PCBP3: variants seen among roughly 807,000 people sequenced by gnomAD.
PCBP3 encodes the protein poly(rC)-binding protein 3.
Under a neutral mutation model 52.7 loss-of-function variants are expected in PCBP3, and 25 were observed. The ratio of observed to expected loss-of-function variants is 0.47; its 90% CI spans 0.35 to 0.66. The LOEUF (loss-of-function observed/expected upper bound fraction) is 0.66, where lower values mean the gene tolerates loss of function less well. PCBP3 is among the 30% of genes least tolerant of loss of function. The probability of loss-of-function intolerance (pLI) is 0.01; values close to 1 mark genes in which losing one functional copy is unlikely to be tolerated. For missense variants in PCBP3, 391 were observed against 490.3 expected, an observed-to-expected ratio of 0.80 and a Z score of 1.91; for synonymous variants, 162 against 183.0, an observed-to-expected ratio of 0.89 and a Z score of 0.93.
chr21:45,725,621 C>A (rs113970947), intron 2 of PCBP3, among the ~76,000 whole-genome samples: 2 of 152,128 alleles, frequency 1.3e-5, no homozygotes, highest in Non-Finnish European at 2.9e-5. Flanking sequence ...AGGGTTCTTA[C>A]CACCATGGAG....
chr21:45,918,116 A>C, intron 13 of PCBP3: 1 of 203,870 alleles, frequency 4.9e-6, no homozygotes, highest in African/African-American at 2.3e-5. Context: ...ACACACACAG[A>C]TCCAGGCTGT....
chr21:45,855,387 G>A (rs1347557072), intron 5 of PCBP3, among the ~76,000 whole-genome samples: 1 of 152,158 alleles, frequency 6.6e-6, no homozygotes, highest in Non-Finnish European at 1.5e-5. Context: ...CCCTCAAACA[G>A]CCCATCACAG....
intron 1 of PCBP3, among the ~76,000 whole-genome samples, chr21:45,664,746 C>T: frequency 6.7e-6 from 1 of 148,900 alleles, no homozygotes; most frequent in Non-Finnish European, 1.5e-5. Context: ...AGGTATATCT[C>T]CCAATGCTAT....
At chr21:45,909,559 C>CAG in intron 10 of PCBP3, 73 bp downstream of exon 10, 1 of 1,495,628 alleles carries the variant, frequency 6.7e-7, no homozygotes, top group East Asian at 2.3e-5. Context: ...ACAGGCCAGG[C>CAG]AGCCTTCCTG....
rs2085803133 is a variant in PCBP3 at position 45,735,543 on chromosome 21, G to C, written c.-162+114G>C. The stretch of plus-strand genomic sequence containing the variant: ...TCAAGGGAAGCTGTGTGTCTCTGCT[G>C]ACCCTCTGGATCCTGGTTTTATGTC... On this transcript the variant is annotated intron_variant, in intron 3 of 17. Coordinates refer to ENST00000681687, the MANE Select transcript of PCBP3 (RefSeq NM_001384156.1). This position sits in a 1 kb window ranked among gnomAD's most constrained non-coding sequence, Gnocchi z 4.0. 2 of 152,198 alleles carry C rather than the reference G, an allele frequency of 1.3e-5. No homozygotes were observed. Among genetic ancestry groups the C allele is most frequent in the African/African-American group, 4.8e-5 (2 of 41,416 alleles). 9.4% of individuals were successfully genotyped at this position (152,198 alleles called of 1,614,324 possible).
chr21:45,866,112 G>A (rs1453757116), intron 5 of PCBP3, among the ~76,000 whole-genome samples: 14 of 152,232 alleles, frequency 9.2e-5, no homozygotes, highest in Admixed American at 5.9e-4. Flanking sequence ...GGCTCTCCAC[G>A]TGTGACCCCT....
intron 5 of PCBP3, among the ~76,000 whole-genome samples, chr21:45,888,564 C>T (rs866383250): frequency 2.6e-5 from 4 of 152,232 alleles, no homozygotes; most frequent in South Asian, 4.1e-4. Context: ...ATGCCTGCTC[C>T]GGGGCAGGGC....
rs189102810 is a variant in PCBP3, at chr21:45,829,528, A to G, written c.-125-20433A>G. ...GTGTCTCTTGCAGTGTTTTCTGAAC[A>G]TTTTGTGGCCTAGCGGTACCAGGAC... is the stretch of plus-strand genomic sequence containing the variant. On this transcript the variant is annotated intron_variant, in intron 4 of 17. Coordinates refer to ENST00000681687, the MANE Select transcript of PCBP3 (RefSeq NM_001384156.1). This position sits in a 1 kb window ranked among gnomAD's most constrained non-coding sequence, Gnocchi z 5.2. 1.3e-5 allele frequency: 2 copies of G among 152,272 alleles called. No homozygotes were observed. Among genetic ancestry groups the G allele is most frequent in the Admixed American group, 1.3e-4 (2 of 15,296 alleles). 9.4% of individuals were successfully genotyped at this position (152,272 alleles called of 1,614,324 possible).
At chr21:45,851,711 A>G (rs1024829629) in intron 5 of PCBP3, among the ~76,000 whole-genome samples, 1 of 152,272 alleles carries the variant, frequency 6.6e-6, no homozygotes, top group Non-Finnish European at 1.5e-5. Flanking sequence ...ATGCTAACAC[A>G]TTTGAAAACA....
intron 4 of PCBP3, among the ~76,000 whole-genome samples, chr21:45,814,010 C>T (rs2092756174): frequency 6.6e-6 from 1 of 152,190 alleles, no homozygotes; most frequent in Non-Finnish European, 1.5e-5. Flanking sequence ...TGTGGACTTA[C>T]ACAAACCTAG....
At chr21:45,752,114 G>T (rs926580071) in intron 3 of PCBP3, among the ~76,000 whole-genome samples, 3 of 151,924 alleles carry the variant, frequency 2.0e-5, no homozygotes, top group African/African-American at 7.2e-5. Flanking sequence ...CTATGCCAAA[G>T]ATTTTTTATT....
At chr21:45,712,701 A>ATT (rs908377850) in intron 2 of PCBP3, among the ~76,000 whole-genome samples, 2 of 141,172 alleles carry the variant, frequency 1.4e-5, no homozygotes, top group Non-Finnish European at 3.1e-5. Flanking sequence ...TCTTTCTTTC[A>ATT]TTTTTTTTTT....
At position 45,895,540 on chromosome 21, in the gene PCBP3, G is replaced by A. The variant is rs7277666; in HGVS notation, c.11-668G>A. Among the ~76,000 whole-genome samples the A allele has an allele frequency of 2.3e-3, 358 of 152,352 alleles. 1 individual carries two copies. The highest frequency in any genetic ancestry group is 8.4e-3 in the African/African-American group (349 of 41,566). Reference sequence around the variant, plus strand: ...CACTACCATCATTCTTTGCTGGTCAGTCATAAAATGAGGCCTTAATTTTGC... The same window carrying A: ...CACTACCATCATTCTTTGCTGGTCAATCATAAAATGAGGCCTTAATTTTGC... On this transcript the variant is annotated intron_variant, in intron 5 of 17. Transcript: ENST00000681687.
At chr21:45,852,617 C>G in intron 5 of PCBP3, among the ~76,000 whole-genome samples, 1 of 150,238 alleles carries the variant, frequency 6.7e-6, no homozygotes, top group East Asian at 2.0e-4. Flanking sequence ...GAACACAGCC[C>G]TGCGGCCACC....
At chr21:45,746,030 GCACACA>G (rs1203159834) in intron 3 of PCBP3, among the ~76,000 whole-genome samples, 4 of 146,248 alleles carry the variant, frequency 2.7e-5, no homozygotes, top group Admixed American at 6.7e-5. Flanking sequence ...CATTGACGTA[GCACACA>G]CGGTGTTGTG....
rs1387814838 is a variant in PCBP3 at position 45,823,389 on chromosome 21, C to T, written c.-125-26572C>T. 3.3e-5 allele frequency among the ~76,000 whole-genome samples: 5 copies of T among 152,280 alleles called. No individual in the cohort carries two copies. In the East Asian group the frequency reaches 9.7e-4, roughly 29 times the overall value. On this transcript the variant is annotated intron_variant, in intron 4 of 17. Coordinates refer to ENST00000681687, the MANE Select transcript of PCBP3 (RefSeq NM_001384156.1). ...TCCAGGAGAAGTCCTGCTGGGGATT[C>T]GGTTGAGGTGGTGTCTGGTCTCTTC...
chr21:45,649,955 GT>G (rs1014215800), intron 1 of PCBP3, among the ~76,000 whole-genome samples: 5 of 151,818 alleles, frequency 3.3e-5, no homozygotes, highest in African/African-American at 1.2e-4. Flanking sequence ...TTTAAAAATC[GT>G]GATTGAGATG....
intron 5 of PCBP3, among the ~76,000 whole-genome samples, chr21:45,888,103 G>A (rs774324155): frequency 7.9e-5 from 12 of 152,218 alleles, no homozygotes; most frequent in Non-Finnish European, 1.2e-4. Flanking sequence ...TGTCCTGGCC[G>A]TGTACGAATC....
At chr21:45,762,565 A>G (rs1036513914) in intron 4 of PCBP3, 6 of 141,686 alleles carry the variant, frequency 4.2e-5, no homozygotes, top group African/African-American at 1.6e-4. Flanking sequence ...TCTTGGCTCA[A>G]CCTTGCAACT....
Sources: allele counts gnomAD v4.1 joint callset (sites outside exome capture counted in the v4.1 genomes callset), GRCh38; gene constraint gnomAD v4.1.1; non-coding constraint Gnocchi (gnomAD v3.1); transcripts MANE v1.5; gene names NCBI Gene and HGNC (gene_info 2026-07-23, HGNC 2026-07-21).